The following DGKD variants were observed in gnomAD, a reference collection of about 807,000 sequenced individuals.
DGKD encodes the protein DAG kinase delta.
DGKD carries 68 observed loss-of-function variants against 154.4 expected under a neutral mutation model. The ratio of observed to expected loss-of-function variants is 0.44; its 90% confidence interval spans 0.36 to 0.54. The LOEUF is 0.54. Ranked by LOEUF, DGKD falls within the 20% of genes least tolerant of loss-of-function variation. The pLI is 0.00. For missense variants in DGKD, 1,343 were observed against 1,593.6 expected, an observed-to-expected ratio of 0.84 and a Z score of 2.68; for synonymous variants, 693 against 638.0, an observed-to-expected ratio of 1.09 and a Z score of -1.30.
chr2:233,404,029 TTG>T (rs1357942951), intron 3 of DGKD, among the ~76,000 whole-genome samples: 1 of 148,018 alleles, frequency 6.8e-6, no homozygotes, highest in Admixed American at 6.7e-5. Flanking sequence ...AAGTTAAATT[TTG>T]TGTTTTGTGT....
chr2:233,371,781 T>G (rs573296259), intron 1 of DGKD, among the ~76,000 whole-genome samples: 1 of 152,318 alleles, frequency 6.6e-6, no homozygotes, highest in South Asian at 2.1e-4. Context: ...CACCAGCTGT[T>G]GAAGAGGAGC....
chr2:233,390,620 T>C (rs1703536656), intron 3 of DGKD, 137 bp downstream of exon 3: 1 of 663,726 alleles, frequency 1.5e-6, no homozygotes, highest in Non-Finnish European at 2.5e-6. Flanking sequence ...AAAATTTGAA[T>C]TTAATGCTGA....
intron 3 of DGKD, among the ~76,000 whole-genome samples, chr2:233,409,973 G>A (rs1479865478): frequency 2.0e-5 from 3 of 151,868 alleles, no homozygotes; most frequent in East Asian, 1.9e-4. Flanking sequence ...CAGAAAAGTC[G>A]ATGCTGTTTT....
intron 27 of DGKD, among the ~76,000 whole-genome samples, chr2:233,466,043 C>T (rs1357703792): frequency 1.3e-5 from 2 of 152,044 alleles, no homozygotes; most frequent in Non-Finnish European, 2.9e-5. Flanking sequence ...ATAATAGTCA[C>T]GAAACTGTGC....
At chr2:233,398,328 G>A (rs1461902733) in intron 3 of DGKD, among the ~76,000 whole-genome samples, 1 of 151,646 alleles carries the variant, frequency 6.6e-6, no homozygotes, top group Non-Finnish European at 1.5e-5. Context: ...TGTATTTTTA[G>A]TAGAGACGGG....
intron 3 of DGKD, among the ~76,000 whole-genome samples, chr2:233,405,256 C>T (rs140123550): frequency 7.2e-5 from 11 of 152,276 alleles, no homozygotes; most frequent in African/African-American, 2.6e-4. Flanking sequence ...CAGTGGCTCA[C>T]GCCTGTAATC....
At chr2:233,376,172 G>A (rs1003360532) in intron 1 of DGKD, among the ~76,000 whole-genome samples, 1 of 152,206 alleles carries the variant, frequency 6.6e-6, no homozygotes, top group South Asian at 2.1e-4. Flanking sequence ...GTGTAGTGGA[G>A]ATGGGTTTGT....
At chr2:233,412,899 T>G (rs1423243280) in intron 3 of DGKD, among the ~76,000 whole-genome samples, 5 of 152,242 alleles carry the variant, frequency 3.3e-5, no homozygotes, top group Non-Finnish European at 7.3e-5. Flanking sequence ...TGGTTGATTT[T>G]CAAATTTAAG....
chr2:233,426,176 CTCATATTCATGCTTCATATT>C (rs1158070554), intron 3 of DGKD, among the ~76,000 whole-genome samples: 1 of 152,212 alleles, frequency 6.6e-6, no homozygotes, highest in Non-Finnish European at 1.5e-5. Flanking sequence ...CTGCCAGACT[CTCATATTCATGCTTCATATT>C]TCATATTCAT....
At chr2:233,372,159 C>T (rs1702355865) in intron 1 of DGKD, among the ~76,000 whole-genome samples, 1 of 151,966 alleles carries the variant, frequency 6.6e-6, no homozygotes, top group South Asian at 2.1e-4. Context: ...TAGCTGGGAC[C>T]ACAAGCATGC....
At chr2:233,389,268 G>A (rs1559493354) in intron 2 of DGKD, among the ~76,000 whole-genome samples, 1 of 152,204 alleles carries the variant, frequency 6.6e-6, no homozygotes, top group African/African-American at 2.4e-5. Flanking sequence ...CCTATTGTAG[G>A]TAGATTTAAA....
At chr2:233,461,203 G>A (rs1274140010) in intron 24 of DGKD, among the ~76,000 whole-genome samples, 3 of 152,226 alleles carry the variant, frequency 2.0e-5, no homozygotes, top group South Asian at 2.1e-4. Context: ...CTGCTCCGCC[G>A]GTGCGGGGCC....
At chr2:233,427,258 G>T (rs945508449) in intron 3 of DGKD, among the ~76,000 whole-genome samples, 2 of 151,660 alleles carry the variant, frequency 1.3e-5, no homozygotes, top group African/African-American at 2.4e-5. Context: ...CCTTCTCTTG[G>T]TGGGACGTCC....
At chr2:233,416,146 A>G (rs1248048591) in intron 3 of DGKD, among the ~76,000 whole-genome samples, 2 of 152,124 alleles carry the variant, frequency 1.3e-5, no homozygotes, top group Admixed American at 1.3e-4. Flanking sequence ...ATACTGTTTT[A>G]TTGTGGTAGA....
At chr2:233,437,635 G>A (rs767245913) in intron 8 of DGKD, among the ~76,000 whole-genome samples, 156 bp downstream of exon 8, 5 of 152,262 alleles carry the variant, frequency 3.3e-5, no homozygotes, top group African/African-American at 7.2e-5. Context: ...TGCACAGAGC[G>A]GCACACGGCG....
chr2:233,466,131 A>G (rs2063817250), intron 27 of DGKD, among the ~76,000 whole-genome samples: 2 of 151,860 alleles, frequency 1.3e-5, no homozygotes, highest in African/African-American at 2.4e-5. Flanking sequence ...GCTCCAAGCA[A>G]TGGTCTGTAT....
At chr2:233,427,169 A>G (rs1294524172) in intron 3 of DGKD, among the ~76,000 whole-genome samples, 1 of 151,708 alleles carries the variant, frequency 6.6e-6, no homozygotes, top group African/African-American at 2.4e-5. Flanking sequence ...TTCTCCAGTC[A>G]TCAAGCATCA....
chr2:233,391,411 T>TCCC (rs112375518), intron 3 of DGKD, among the ~76,000 whole-genome samples: 1 of 151,522 alleles, frequency 6.6e-6, no homozygotes, highest in African/African-American at 2.4e-5. Context: ...TGTGTTTTTT[T>TCCC]CCCCCCCCAG....
chr2:233,370,567 C>CTTTTTTTTTTTTTTTTTTTTT (rs201017453), intron 1 of DGKD, among the ~76,000 whole-genome samples: 1 of 114,332 alleles, frequency 8.7e-6, no homozygotes. Flanking sequence ...TTCAGAACTT[C>CTTTTTTTTTTTTTTTTTTTTT]TTCTTTTTTT....
Sources: gnomAD v4.1 joint callset for allele counts (sites outside exome capture counted in the v4.1 genomes callset) on GRCh38, gnomAD v4.1.1 for gene constraint, MANE v1.5 for transcripts, NCBI Gene and HGNC (gene_info 2026-07-23, HGNC 2026-07-21) for gene names.